The following SFT2D2 variants were observed in gnomAD, a reference collection of about 807,000 sequenced individuals.
The protein encoded by SFT2D2 is SFT2 domain containing 2, also known as vesicle transport protein SFT2B.
A neutral mutation model predicts 27.4 loss-of-function variants in SFT2D2; 21 were observed. The observed-to-expected ratio is 0.77, with a 90% CI of 0.54 to 1.10. The LOEUF is 1.10. SFT2D2 is among the 50% of genes least tolerant of loss of function. SFT2D2 has a pLI of 0.00. For synonymous variants in SFT2D2, 72 were observed against 71.7 expected, an observed-to-expected ratio of 1.00 and a Z score of -0.02; for missense variants, 187 against 194.2, an observed-to-expected ratio of 0.96 and a Z score of 0.22.
At position 168,251,773 on chromosome 1, in the gene SFT2D2, T is replaced by A. The variant is rs191303561; in HGVS notation, c.*9233T>A. On this transcript the variant is annotated 3_prime_UTR_variant, in exon 8 of 8. Coordinates refer to ENST00000271375, the MANE Select transcript of SFT2D2 (RefSeq NM_199344.3). The stretch of plus-strand genomic sequence containing the variant: ...GTAGTTTATTTGCAGACAGCATTTT[T>A]AAAAAGTGAATAGATGTTTAACTGA... The A allele has an allele frequency of 1.3e-5, 2 of 152,268 alleles. No individual in the cohort carries two copies. Among genetic ancestry groups the A allele is most frequent in the African/African-American group, 2.4e-5 (1 of 41,558 alleles). The allele number at this position is 152,268 out of a possible 1,614,324, so 9.4% of individuals were successfully genotyped here.
In SFT2D2 at chr1:168,246,159, A is replaced by C; in HGVS notation, c.*3619A>C. 4.1e-6 allele frequency: 1 copy of C among 242,382 alleles called. No individual in the cohort carries two copies. 15.0% of individuals were successfully genotyped at this position (242,382 alleles called of 1,614,324 possible). ...TCATATTGACATTGTTTTTCTTTCA[A>C]ATGATTAACTTTATTGATCATCCTC... On this transcript the variant is annotated 3_prime_UTR_variant, in exon 8 of 8. Coordinates refer to ENST00000271375, the MANE Select transcript of SFT2D2 (RefSeq NM_199344.3).
intron 6 of SFT2D2, among the ~76,000 whole-genome samples, chr1:168,238,730 G>C (rs1208706914): frequency 3.3e-5 from 5 of 151,944 alleles, no homozygotes; most frequent in African/African-American, 1.2e-4. Context: ...ATAAAGGAGG[G>C]GGGTGCGGTT....
chr1:168,242,711 T>C lies in SFT2D2; in HGVS notation c.*171T>C. 1.3e-6 allele frequency: 1 copy of C among 743,560 alleles called. No individual in the cohort carries two copies. The highest frequency in any genetic ancestry group is 2.7e-5 in the East Asian group (1 of 37,466). 46.1% of individuals were successfully genotyped at this position (743,560 alleles called of 1,614,324 possible). On this transcript the variant is annotated 3_prime_UTR_variant, in exon 8 of 8. Coordinates refer to ENST00000271375, the MANE Select transcript of SFT2D2 (RefSeq NM_199344.3). ...GTTACTTTTGGAAGCAACAATACAT[T>C]CTCGAACCTGAATGTCAGTAGCACA...
chr1:168,234,371 C>T (rs1332494827), intron 3 of SFT2D2, among the ~76,000 whole-genome samples: 3 of 148,456 alleles, frequency 2.0e-5, no homozygotes, highest in South Asian at 2.1e-4. Flanking sequence ...TCCAGCCTGG[C>T]GACAGAGTGA....
In SFT2D2 at chr1:168,249,897, G is replaced by A. The variant is rs572047478; in HGVS notation, c.*7357G>A. 2 of 152,286 alleles carry A rather than the reference G, an allele frequency of 1.3e-5. No homozygotes were observed. The highest frequency in any genetic ancestry group is 3.9e-4 in the East Asian group (2 of 5,180). 9.4% of individuals were successfully genotyped at this position (152,286 alleles called of 1,614,324 possible). A position where few individuals can be genotyped will look rare whatever the true frequency, so the allele number is the denominator to read the frequency against. ...ACAACTTTGGAAGATGAGAGTGAAT[G>A]TCTCCGATCATTAATTTATTTAACA... On this transcript the variant is annotated 3_prime_UTR_variant, in exon 8 of 8. Transcript: ENST00000271375.
rs575964120 is a variant in SFT2D2, at chr1:168,243,654, G to A, written c.*1114G>A. The A allele has an allele frequency of 4.5e-4, 68 of 152,396 alleles. No individual in the cohort carries two copies. The highest frequency in any genetic ancestry group is 1.6e-3 in the African/African-American group (67 of 41,542). 9.4% of individuals were successfully genotyped at this position (152,396 alleles called of 1,614,324 possible). ...TTCTTATGGAGAGCCTTGTGAGGAA[G>A]CAGGGATTGTTATACCACTGTGCAG... On this transcript the variant is annotated 3_prime_UTR_variant, in exon 8 of 8. Transcript: ENST00000271375.
intron 1 of SFT2D2, among the ~76,000 whole-genome samples, chr1:168,231,137 G>A (rs1647268903): frequency 6.6e-6 from 1 of 152,180 alleles, no homozygotes; most frequent in Non-Finnish European, 1.5e-5. Context: ...GGACTTGTGA[G>A]TCCCTGGTGG....
intron 1 of SFT2D2, chr1:168,229,629 C>T (rs949970095): frequency 2.6e-5 from 4 of 152,406 alleles, no homozygotes; most frequent in African/African-American, 7.3e-5. Flanking sequence ...CACTACCACT[C>T]TTCTTCCTAC....
chr1:168,231,811 A>T (rs1647324714), intron 2 of SFT2D2, 23 bp from the exon 3 acceptor site: 2 of 1,612,168 alleles, frequency 1.2e-6, no homozygotes, highest in East Asian at 4.5e-5. Context: ...GCTCATGTGC[A>T]AACACTGTAC....
chr1:168,246,127 C>T lies in SFT2D2; in HGVS notation c.*3587C>T, dbSNP rs61808472. The T allele has an allele frequency of 8.6e-6, 2 of 232,764 alleles. No individual in the cohort carries two copies. The highest frequency in any genetic ancestry group is 9.9e-5 in the South Asian group (2 of 20,174). The allele number at this position is 232,764 out of a possible 1,614,324, so 14.4% of individuals were successfully genotyped here. A position where few individuals can be genotyped will look rare whatever the true frequency, so the allele number is the denominator to read the frequency against. On this transcript the variant is annotated 3_prime_UTR_variant, in exon 8 of 8. Transcript: ENST00000271375. ...TCACAACTACTTCTCTTTCTGCTTT[C>T]TCTCTTTCATATTGACATTGTTTTT...
At position 168,248,123 on chromosome 1, in the gene SFT2D2, G is replaced by T. The variant is rs1354861798; in HGVS notation, c.*5583G>T. 2 of 152,184 alleles carry T rather than the reference G, an allele frequency of 1.3e-5. No individual in the cohort carries two copies. Among genetic ancestry groups the T allele is most frequent in the Non-Finnish European group, 2.9e-5 (2 of 68,034 alleles). The allele number at this position is 152,184 out of a possible 1,614,324, so 9.4% of individuals were successfully genotyped here. A position where few individuals can be genotyped will look rare whatever the true frequency, so the allele number is the denominator to read the frequency against. On this transcript the variant is annotated 3_prime_UTR_variant, in exon 8 of 8. Transcript: ENST00000271375. Reference sequence around the variant, plus strand: ...TTTTCTCCCATTCTGTAGGTTGCCTGTTCACTCTGATGATAGTTTCTTTTG... The same window carrying T: ...TTTTCTCCCATTCTGTAGGTTGCCTTTTCACTCTGATGATAGTTTCTTTTG...
rs780589016 is a variant in SFT2D2, at chr1:168,236,641, AT to A, written c.354+22del. On this transcript the variant is annotated intron_variant, in intron 5 of 7. Coordinates refer to ENST00000271375, the MANE Select transcript of SFT2D2 (RefSeq NM_199344.3). ...GCCTTTTGGGTAAATGTATATTTTA[AT>A]TTTTCTTAACCATTTTGGCTTTTGC... 2.5e-6 allele frequency: 4 copies of A among 1,613,376 alleles called. No individual in the cohort carries two copies. In the African/African-American group the frequency reaches 4.0e-5, roughly 16 times the overall value.
rs1241830687 is a variant in SFT2D2, at chr1:168,248,019, G to A, written c.*5479G>A. 6.6e-6 allele frequency: 1 copy of A among 152,188 alleles called. No homozygotes were observed. Among genetic ancestry groups the A allele is most frequent in the Non-Finnish European group, 1.5e-5 (1 of 68,034 alleles). 9.4% of individuals were successfully genotyped at this position (152,188 alleles called of 1,614,324 possible). A position where few individuals can be genotyped will look rare whatever the true frequency, so the allele number is the denominator to read the frequency against. ...CCTTCGCCCACTTTTCGATGGGGTT[G>A]TTTTGCTCTTATAAATTTGTTTAAG... On this transcript the variant is annotated 3_prime_UTR_variant, in exon 8 of 8. Coordinates refer to ENST00000271375, the MANE Select transcript of SFT2D2 (RefSeq NM_199344.3).
intron 4 of SFT2D2, 76 bp downstream of exon 4, chr1:168,235,258 A>G: frequency 7.2e-7 from 1 of 1,382,466 alleles, no homozygotes; most frequent in South Asian, 1.2e-5. Context: ...TTCTTTTTAA[A>G]TCTAAAGACC....
rs766848422 is a variant in SFT2D2 at position 168,231,739 on chromosome 1, G to A, written c.151-95G>A. The A allele has an allele frequency of 6.1e-6, 9 of 1,464,280 alleles. No homozygotes were observed. In the African/African-American group the frequency reaches 1.1e-4, roughly 18 times the overall value. 90.7% of individuals were successfully genotyped at this position (1,464,280 alleles called of 1,614,324 possible). A position where few individuals can be genotyped will look rare whatever the true frequency, so the allele number is the denominator to read the frequency against. On this transcript the variant is annotated intron_variant, in intron 2 of 7. Coordinates refer to ENST00000271375, the MANE Select transcript of SFT2D2 (RefSeq NM_199344.3). ...GAGAGGGGAATAAGGGAGGTGGGGAGGGAAACGGACTCCTCAGGGCTTCCT... is the reference window on the plus strand; with the variant it reads ...GAGAGGGGAATAAGGGAGGTGGGGAAGGAAACGGACTCCTCAGGGCTTCCT...
At chr1:168,231,745 C>T (rs755766090) in intron 2 of SFT2D2, 89 bp from the exon 3 acceptor site, 17 of 1,471,252 alleles carry the variant, frequency 1.2e-5, no homozygotes, top group South Asian at 8.0e-5. Context: ...GGGAGGGAAA[C>T]GGACTCCTCA....
At chr1:168,238,078 A>G (rs1647551239) in intron 6 of SFT2D2, among the ~76,000 whole-genome samples, 1 of 152,104 alleles carries the variant, frequency 6.6e-6, no homozygotes, top group African/African-American at 2.4e-5. Flanking sequence ...TTGCTTTTCT[A>G]AGGGCTAACT....
intron 1 of SFT2D2, among the ~76,000 whole-genome samples, chr1:168,230,572 C>G (rs765900451): frequency 1.3e-5 from 2 of 152,184 alleles, no homozygotes; most frequent in Non-Finnish European, 2.9e-5. Flanking sequence ...CTCCCAGGTT[C>G]AAGCAATTCT....
intron 7 of SFT2D2, among the ~76,000 whole-genome samples, chr1:168,242,279 G>A (rs377356752): frequency 2.6e-5 from 4 of 152,308 alleles, no homozygotes; most frequent in African/African-American, 9.6e-5. Context: ...GGTAAGTGGG[G>A]ACATCCCCTC....
Sources: allele counts gnomAD v4.1 joint callset (sites outside exome capture counted in the v4.1 genomes callset), GRCh38; gene constraint gnomAD v4.1.1; transcripts MANE v1.5; gene names NCBI Gene and HGNC (gene_info 2026-07-23, HGNC 2026-07-21).